The following KIAA0408 variants were observed in gnomAD, a reference collection of about 807,000 sequenced individuals.
The protein encoded by KIAA0408 is uncharacterized protein KIAA0408.
A neutral mutation model predicts 60.9 loss-of-function variants in KIAA0408; 51 were observed. The observed-to-expected ratio is 0.84, with a 90% CI of 0.67 to 1.06. The LOEUF (loss-of-function observed/expected upper bound fraction) is 1.06, where lower values mean the gene tolerates loss of function less well. Ranked by LOEUF, KIAA0408 falls within the 50% of genes least tolerant of loss-of-function variation. The probability of loss-of-function intolerance (pLI) is 0.00; values close to 1 mark genes in which losing one functional copy is unlikely to be tolerated. For synonymous variants in KIAA0408, 304 were observed against 282.4 expected (o/e 1.08, Z -0.77); for missense variants, 787 against 833.9 (o/e 0.94, Z 0.69).
In KIAA0408 at chr6:127,444,216, G is replaced by A. The variant is rs201926296; in HGVS notation, c.1978C>T (p.Arg660Cys). The A allele has an allele frequency of 1.4e-5, 22 of 1,613,418 alleles. No individual in the cohort carries two copies. The highest frequency in any genetic ancestry group is 2.2e-5 in the East Asian group (1 of 44,824). Residue 660 changes from arginine to cysteine, a missense_variant, in exon 6 of 6, where the codon CGT becomes TGT. By Grantham distance (180) the Arg-to-Cys change is radical. Transcript: ENST00000483725. ...FSRPARPANR[R>C]LPSRWASRSP... ...CTGGATGCCCATCTGGAGGGGAGAC[G>A]ACGATTTGCTGGTCTAGCAGGTCGG...
chr6:127,444,909 T>C (rs1242162920), intron 5 of KIAA0408, among the ~76,000 whole-genome samples: 1 of 152,112 alleles, frequency 6.6e-6, no homozygotes, highest in African/African-American at 2.4e-5. Context: ...ACTTTTCTTC[T>C]CTTTCTTTTA....
intron 1 of KIAA0408, among the ~76,000 whole-genome samples, chr6:127,458,972 C>T (rs1176621488): frequency 6.6e-6 from 1 of 152,158 alleles, no homozygotes; most frequent in African/African-American, 2.4e-5. Context: ...AGCAGCTGAA[C>T]AGCCTTTTTC....
intron 5 of KIAA0408, among the ~76,000 whole-genome samples, chr6:127,446,049 T>C (rs1773186693): frequency 6.6e-6 from 1 of 152,192 alleles, no homozygotes; most frequent in Non-Finnish European, 1.5e-5. Flanking sequence ...ATATTTTCCA[T>C]ACACTTAAAA....
In KIAA0408 at chr6:127,446,882, A is replaced by T; in HGVS notation, c.1437T>A (p.Ser479=). 1 of 1,614,062 alleles carries T rather than the reference A, an allele frequency of 6.2e-7. No homozygotes were observed. The highest frequency in any genetic ancestry group is 8.5e-7 in the Non-Finnish European group (1 of 1,179,956). Residue 479 remains serine (S), a synonymous_variant, in exon 5 of 6, where the codon TCT becomes TCA. Coordinates refer to ENST00000483725, the MANE Select transcript of KIAA0408 (RefSeq NM_014702.5). ...TTTGTGATATGCTACCTGTGTGAGT[A>T]GATGAGGTATCACAGGGCTTGAGAT... ...SEDLKPCDTS[S]THTGSISQSN...
At chr6:127,453,786 C>T (rs1464335482) in intron 2 of KIAA0408, 61 bp downstream of exon 2, 1 of 1,555,488 alleles carries the variant, frequency 6.4e-7, no homozygotes, top group African/African-American at 1.4e-5. Context: ...ACAAAACAGC[C>T]CACAGAATTT....
intron 4 of KIAA0408, among the ~76,000 whole-genome samples, 161 bp downstream of exon 4, chr6:127,449,661 C>T (rs766564462): frequency 4.6e-5 from 7 of 151,914 alleles, no homozygotes; most frequent in South Asian, 2.1e-4. Context: ...CAAAAACAAA[C>T]GAGCAAACAA....
rs749117993 is a variant in KIAA0408, at chr6:127,447,560, TC to T, written c.758del (p.Gly253GlufsTer7). 10 of 1,611,262 alleles carry T rather than the reference TC, an allele frequency of 6.2e-6. No homozygotes were observed. The highest frequency in any genetic ancestry group is 7.6e-6 in the Non-Finnish European group (9 of 1,179,316). On this transcript the variant is annotated frameshift_variant, in exon 5 of 6. Coordinates refer to ENST00000483725, the MANE Select transcript of KIAA0408 (RefSeq NM_014702.5). LOFTEE classifies it high-confidence loss of function. ...VLQSNSTKKC[G>X]IDTIDLKRNE... ...TTCTTTTTAAATCGATTGTATCAATTCCACATTTTTTCGTAGAATTGCTCTG... is the reference window on the plus strand; with the variant it reads ...TTCTTTTTAAATCGATTGTATCAATTCACATTTTTTCGTAGAATTGCTCTG...
chr6:127,447,849 A>T, intron 4 of KIAA0408, 109 bp from the exon 5 acceptor site: 4 of 1,335,842 alleles, frequency 3.0e-6, no homozygotes, highest in Non-Finnish European at 3.9e-6. Flanking sequence ...AAGGATTCAC[A>T]ACTGCCTCAT....
chr6:127,458,775 A>T (rs1296755747), intron 1 of KIAA0408, among the ~76,000 whole-genome samples: 2 of 152,212 alleles, frequency 1.3e-5, no homozygotes, highest in Non-Finnish European at 2.9e-5. Flanking sequence ...AGTCTCCAGG[A>T]TTGTGACCTT....
chr6:127,445,555 CG>C (rs1361037785), intron 5 of KIAA0408, among the ~76,000 whole-genome samples: 2 of 152,140 alleles, frequency 1.3e-5, no homozygotes, highest in Non-Finnish European at 2.9e-5. Context: ...AACCATGCTG[CG>C]TACTCACTGC....
intron 1 of KIAA0408, among the ~76,000 whole-genome samples, chr6:127,456,124 T>G (rs1773388135): frequency 6.6e-6 from 1 of 152,188 alleles, no homozygotes; most frequent in Non-Finnish European, 1.5e-5. Context: ...CACTGGAACT[T>G]CTTAGGAAGA....
rs1048659284 is a variant in KIAA0408 at position 127,454,276 on chromosome 6, G to A, written c.-120-175C>T. ...ACTAACACAGTCAATAAAGTAATAA[G>A]TATTGTCCAAAGTTTTTTTCCCTTT... is the stretch of plus-strand genomic sequence containing the variant. On this transcript the variant is annotated intron_variant, in intron 1 of 5. Transcript: ENST00000483725. 4 of 518,012 alleles carry A rather than the reference G, an allele frequency of 7.7e-6. No individual in the cohort carries two copies. In the African/African-American group the frequency reaches 8.0e-5, roughly 10 times the overall value. The allele number at this position is 518,012 out of a possible 1,614,324, so 32.1% of individuals were successfully genotyped here. A position where few individuals can be genotyped will look rare whatever the true frequency, so the allele number is the denominator to read the frequency against.
In KIAA0408 at chr6:127,438,698, G is replaced by A. The variant is rs1382746602; in HGVS notation, c.*5411C>T. 1 of 152,166 alleles carries A rather than the reference G, an allele frequency of 6.6e-6. No individual in the cohort carries two copies. Among genetic ancestry groups the A allele is most frequent in the African/African-American group, 2.4e-5 (1 of 41,426 alleles). The allele number at this position is 152,166 out of a possible 1,614,324, so 9.4% of individuals were successfully genotyped here. ...ATACTAAAGGCAATTGTAACACAATGATATCTGTATATGTAAACATAGAAA... is the reference window on the plus strand; with the variant it reads ...ATACTAAAGGCAATTGTAACACAATAATATCTGTATATGTAAACATAGAAA... On this transcript the variant is annotated 3_prime_UTR_variant, in exon 6 of 6. Transcript: ENST00000483725.
intron 2 of KIAA0408, chr6:127,451,259 A>G (rs1346065078): frequency 4.4e-6 from 2 of 454,942 alleles, no homozygotes; most frequent in South Asian, 3.1e-5. Flanking sequence ...AATATAATAG[A>G]TTTATTGCTG....
chr6:127,444,029 G>A lies in KIAA0408; in HGVS notation c.*80C>T. On this transcript the variant is annotated 3_prime_UTR_variant, in exon 6 of 6. Transcript: ENST00000483725. ...CAAATTGCTTGTCGGAAGAGAACAG[G>A]TCCGCCTGTAAACACTCAGAATGCT... is the stretch of plus-strand genomic sequence containing the variant. 7.5e-7 allele frequency: 1 copy of A among 1,336,818 alleles called. No homozygotes were observed. The allele number at this position is 1,336,818 out of a possible 1,614,324, so 82.8% of individuals were successfully genotyped here.
Position 127,446,392 on chromosome 6 carries a change from A to G in KIAA0408, c.1911+16T>C, listed in dbSNP as rs370901333. 5.0e-6 allele frequency: 8 copies of G among 1,592,922 alleles called. No homozygotes were observed. Among genetic ancestry groups the G allele is most frequent in the Non-Finnish European group, 6.9e-6 (8 of 1,166,874 alleles). ...AATATGGATGCTACCAAATTATGTT[A>G]TATTTGCTTTCTCACCTCTGTTATC... On this transcript the variant is annotated intron_variant, in intron 5 of 5. Transcript: ENST00000483725.
In KIAA0408 at chr6:127,444,191, C is replaced by G; in HGVS notation, c.2003G>C (p.Arg668Thr). 6.2e-7 allele frequency: 1 copy of G among 1,613,688 alleles called. No homozygotes were observed. The highest frequency in any genetic ancestry group is 8.5e-7 in the Non-Finnish European group (1 of 1,179,834). ...NRRLPSRWAS[R>T]SPSAPPALRR... ...CAAGGCAGGGGGTGCAGATGGAGAT[C>G]TGGATGCCCATCTGGAGGGGAGACG... Residue 668 changes from arginine (R) to threonine (T), a missense_variant, in exon 6 of 6, where the codon AGA (arginine) becomes ACA (threonine). Transcript: ENST00000483725.
At chr6:127,458,221 C>T (rs980672018) in intron 1 of KIAA0408, among the ~76,000 whole-genome samples, 1 of 152,154 alleles carries the variant, frequency 6.6e-6, no homozygotes, top group Non-Finnish European at 1.5e-5. Flanking sequence ...TCCCTTTCTC[C>T]AGGCTATTAT....
At position 127,447,023 on chromosome 6, in the gene KIAA0408, A is replaced by G; in HGVS notation, c.1296T>C (p.Thr432=). ...TTGCTGCCAGCTTCTCATTCCTTGT[A>G]GTCCTTTCAAAGCCACAACTGAAAT... ...LRNFSCGFER[T]TRNEKLAAKT... The change falls in exon 5 of 6, where the codon ACT becomes ACC. Residue 432 remains threonine, a synonymous_variant. Coordinates refer to ENST00000483725, the MANE Select transcript of KIAA0408 (RefSeq NM_014702.5). The G allele has an allele frequency of 6.2e-7, 1 of 1,613,564 alleles. No homozygotes were observed. Among genetic ancestry groups the G allele is most frequent in the East Asian group, 2.2e-5 (1 of 44,880 alleles).
Sources: allele counts gnomAD v4.1 joint callset (sites outside exome capture counted in the v4.1 genomes callset), GRCh38; gene constraint gnomAD v4.1.1; transcripts MANE v1.5; gene names NCBI Gene and HGNC (gene_info 2026-07-23, HGNC 2026-07-21).